The following GTF2A1L variants were observed in gnomAD, a reference collection of about 807,000 sequenced individuals.
GTF2A1L encodes TFIIA-alpha and beta-like factor.
In GTF2A1L, 48 loss-of-function variants were observed where a neutral mutation model predicts 49.7. That is an observed-to-expected ratio of 0.97 (90% CI 0.77 to 1.23). The LOEUF is 1.23. GTF2A1L is among the 50% of genes most tolerant of loss of function. The pLI is 0.00. For missense variants in GTF2A1L, 736 were observed against 564.8 expected (o/e 1.30, Z -3.07); for synonymous variants, 246 against 193.5 (o/e 1.27, Z -2.25).
At chr2:48,656,716 AT>A (rs1247087751) in intron 6 of GTF2A1L, among the ~76,000 whole-genome samples, 2 of 151,586 alleles carry the variant, frequency 1.3e-5, no homozygotes, top group East Asian at 3.9e-4. Flanking sequence ...CATTTTATCT[AT>A]TTTTTTCTTT....
In GTF2A1L at chr2:48,669,771, T is replaced by C. The variant is rs762905678; in HGVS notation, c.1028T>C (p.Ile343Thr). 7.4e-6 allele frequency: 12 copies of C among 1,613,968 alleles called. No individual in the cohort carries two copies. The highest frequency in any genetic ancestry group is 4.5e-5 in the East Asian group (2 of 44,844). ...AGCATTCGGGTTACTGATGATGATA[T>C]TGGTGAAATAATTCAAGTAGATGGA... ...DLSIRVTDDD[I>T]GEIIQVDGSG... The change falls in exon 7 of 9, where the codon ATT (isoleucine) becomes ACT (threonine). Residue 343 changes from isoleucine (I) to threonine (T), a missense_variant. By Grantham distance (89) the Ile-to-Thr change is moderately conservative. Coordinates refer to ENST00000403751, the MANE Select transcript of GTF2A1L (RefSeq NM_006872.5).
chr2:48,642,577 G>C (rs578237368), intron 4 of GTF2A1L, 120 bp downstream of exon 4: 1 of 940,174 alleles, frequency 1.1e-6, no homozygotes, highest in East Asian at 3.1e-5. Flanking sequence ...AGATGTGGCC[G>C]GGCGCGGTGG....
chr2:48,675,680 A>T (rs1319067217), intron 8 of GTF2A1L, among the ~76,000 whole-genome samples: 2 of 151,966 alleles, frequency 1.3e-5, no homozygotes, highest in East Asian at 1.9e-4. Flanking sequence ...TACAAATAGG[A>T]CACTATTTAT....
In GTF2A1L at chr2:48,642,486, A is replaced by C; in HGVS notation, c.303+29A>C. On this transcript the variant is annotated intron_variant, in intron 4 of 8. Coordinates refer to ENST00000403751, the MANE Select transcript of GTF2A1L (RefSeq NM_006872.5). ...TGTAGCTTACTTAAAATATATTTTA[A>C]AAGACATGTCCCACTGTTAGCGAGT... 2.6e-6 allele frequency: 4 copies of C among 1,551,582 alleles called. No homozygotes were observed. The East Asian group carries it at 9.1e-5, about 35-fold the overall frequency.
chr2:48,638,509 A>C (rs1677029281), intron 3 of GTF2A1L, among the ~76,000 whole-genome samples: 1 of 152,186 alleles, frequency 6.6e-6, no homozygotes, highest in South Asian at 2.1e-4. Context: ...AAAAGGCTTT[A>C]GATAAAATTC....
intron 3 of GTF2A1L, among the ~76,000 whole-genome samples, chr2:48,628,161 G>C (rs1465443334): frequency 6.9e-6 from 1 of 143,936 alleles, no homozygotes; most frequent in African/African-American, 2.5e-5. Context: ...TGTCATTGCT[G>C]TTGTGAATAG....
intron 7 of GTF2A1L, among the ~76,000 whole-genome samples, chr2:48,671,234 G>A (rs1354870370): frequency 7.9e-5 from 12 of 151,882 alleles, no homozygotes; most frequent in East Asian, 3.9e-4. Flanking sequence ...ATGGAGTCTC[G>A]CTCTGTCGCT....
At chr2:48,662,326 T>C (rs1487657271) in intron 6 of GTF2A1L, among the ~76,000 whole-genome samples, 1 of 152,224 alleles carries the variant, frequency 6.6e-6, no homozygotes, top group Non-Finnish European at 1.5e-5. Context: ...TATGTATTTG[T>C]CCATGTATTT....
At chr2:48,667,785 T>C (rs1036817683) in intron 6 of GTF2A1L, among the ~76,000 whole-genome samples, 1 of 152,198 alleles carries the variant, frequency 6.6e-6, no homozygotes, top group African/African-American at 2.4e-5. Context: ...CATATGGGTT[T>C]GAATCCTAGA....
intron 3 of GTF2A1L, among the ~76,000 whole-genome samples, chr2:48,639,118 A>G (rs1677064096): frequency 6.6e-6 from 1 of 152,214 alleles, no homozygotes. Flanking sequence ...TAAAATGGCC[A>G]TACTACCCAA....
At chr2:48,659,475 A>G (rs1678369660) in intron 6 of GTF2A1L, among the ~76,000 whole-genome samples, 1 of 151,972 alleles carries the variant, frequency 6.6e-6, no homozygotes, top group South Asian at 2.1e-4. Flanking sequence ...TGAGATTTGA[A>G]TTTTTGGATA....
intron 6 of GTF2A1L, among the ~76,000 whole-genome samples, chr2:48,657,370 C>G (rs1572751856): frequency 1.3e-5 from 2 of 152,174 alleles, no homozygotes; most frequent in Non-Finnish European, 2.9e-5. Flanking sequence ...GTTTTCTGTT[C>G]CTGTGTTAAT....
chr2:48,645,623 A>G (rs770582316), intron 5 of GTF2A1L, among the ~76,000 whole-genome samples: 3 of 152,130 alleles, frequency 2.0e-5, no homozygotes, highest in Admixed American at 2.0e-4. Context: ...GTAAAGTTTA[A>G]GTAAAGCACC....
chr2:48,631,797 C>G (rs75077011), intron 3 of GTF2A1L, among the ~76,000 whole-genome samples: 2 of 152,100 alleles, frequency 1.3e-5, no homozygotes, highest in African/African-American at 4.8e-5. Flanking sequence ...GCATTTAGTA[C>G]TATACAGTTT....
intron 6 of GTF2A1L, among the ~76,000 whole-genome samples, chr2:48,653,918 C>G (rs1221264272): frequency 5.5e-5 from 1 of 18,068 alleles, no homozygotes; most frequent in Non-Finnish European, 9.4e-5. Context: ...GAGACTGTGT[C>G]TCAAAAAAAA....
intron 6 of GTF2A1L, among the ~76,000 whole-genome samples, chr2:48,661,243 C>T (rs1678475878): frequency 8.1e-6 from 1 of 123,454 alleles, no homozygotes; most frequent in Admixed American, 9.2e-5. Context: ...ACTGCATCCC[C>T]AAACTTTTTT....
chr2:48,671,464 G>C, intron 7 of GTF2A1L, 127 bp from the exon 8 acceptor site: 6 of 885,632 alleles, frequency 6.8e-6, no homozygotes, highest in Non-Finnish European at 9.9e-6. Flanking sequence ...TAGGCCTCCC[G>C]TAGTGCTGGG....
intron 6 of GTF2A1L, 56 bp from the exon 7 acceptor site, chr2:48,669,666 A>C: frequency 6.6e-7 from 1 of 1,522,380 alleles, no homozygotes; most frequent in South Asian, 1.4e-5. Flanking sequence ...ATTTGGATTC[A>C]ATATTTTATA....
At position 48,669,893 on chromosome 2, in the gene GTF2A1L, C is replaced by A. The variant is rs1241555115; in HGVS notation, c.1150C>A (p.Pro384Thr). Residue 384 changes from proline (P) to threonine (T), a missense_variant, in exon 7 of 9, where the codon CCT (proline) becomes ACT (threonine). Transcript: ENST00000403751. Reference sequence around the variant, plus strand: ...TATTGACGGGGGAGATCTGAAGGTACCTGAAGAAGAAGCTGACAGTATTTC... The same window carrying A: ...TATTGACGGGGGAGATCTGAAGGTAACTGAAGAAGAAGCTGACAGTATTTC... ...GNIDGGDLKV[P>T]EEEADSISNE... is the part of the protein sequence containing the mutation. The A allele has an allele frequency of 3.1e-6, 5 of 1,613,784 alleles. No homozygotes were observed. The highest frequency in any genetic ancestry group is 3.3e-5 in the Admixed American group (2 of 60,000).
Sources: gnomAD v4.1 joint callset for allele counts (sites outside exome capture counted in the v4.1 genomes callset) on GRCh38, gnomAD v4.1.1 for gene constraint, MANE v1.5 for transcripts, NCBI Gene and HGNC (gene_info 2026-07-23, HGNC 2026-07-21) for gene names.